Variants in NPAS2 observed in about 807,000 individuals in gnomAD.
The protein encoded by NPAS2 is neuronal PAS domain-containing protein 2.
A neutral mutation model predicts 107.5 loss-of-function variants in NPAS2; 23 were observed. That is an observed-to-expected ratio of 0.21 (90% CI 0.15 to 0.30). The LOEUF is 0.30. NPAS2 is among the 10% of genes least tolerant of loss of function. The pLI, the probability that NPAS2 is intolerant of heterozygous loss-of-function variation, is 1.00. For missense variants in NPAS2, 756 were observed against 1,043.3 expected (o/e 0.72, Z 3.79); for synonymous variants, 403 against 417.5 (o/e 0.97, Z 0.42).
At chr2:100,852,899 C>CA (rs1049568495) in intron 1 of NPAS2, among the ~76,000 whole-genome samples, 24 of 152,182 alleles carry the variant, frequency 1.6e-4, no homozygotes, top group African/African-American at 4.1e-4. Flanking sequence ...AAATAAAAGA[C>CA]AAAAAAACCC....
chr2:100,922,400 G>A (rs1683285567), intron 2 of NPAS2, among the ~76,000 whole-genome samples: 1 of 152,082 alleles, frequency 6.6e-6, no homozygotes, highest in South Asian at 2.1e-4. Context: ...TGGTCAACAT[G>A]GTGAAACCCT....
intron 2 of NPAS2, among the ~76,000 whole-genome samples, chr2:100,920,324 G>A (rs1394295343): frequency 2.6e-5 from 4 of 152,124 alleles, no homozygotes; most frequent in Non-Finnish European, 5.9e-5. Context: ...CCACAAATAA[G>A]TGAAGTGACT....
intron 4 of NPAS2, among the ~76,000 whole-genome samples, chr2:100,936,668 T>C (rs1419435220): frequency 6.6e-6 from 1 of 151,994 alleles, no homozygotes; most frequent in Non-Finnish European, 1.5e-5. Context: ...CAAAAATAAA[T>C]CCCAATAAAC....
At chr2:100,834,187 C>T (rs1676916996) in intron 1 of NPAS2, among the ~76,000 whole-genome samples, 1 of 152,068 alleles carries the variant, frequency 6.6e-6, no homozygotes, top group South Asian at 2.1e-4. Context: ...CCTGGAGAAT[C>T]AGGGGTTTCT....
At chr2:100,982,424 AG>A in intron 16 of NPAS2, 47 bp downstream of exon 16, 1 of 1,599,684 alleles carries the variant, frequency 6.3e-7, no homozygotes, top group Non-Finnish European at 8.5e-7. Context: ...CTGTGTGGGA[AG>A]GGGTCCTGCC....
At chr2:100,930,850 A>G (rs1313125550) in intron 3 of NPAS2, among the ~76,000 whole-genome samples, 4 of 152,248 alleles carry the variant, frequency 2.6e-5, no homozygotes, top group African/African-American at 4.8e-5. Context: ...TTGGGCTGCC[A>G]TAAAGACTCT....
intron 15 of NPAS2, among the ~76,000 whole-genome samples, chr2:100,979,444 T>G (rs1270818882): frequency 6.8e-6 from 1 of 148,046 alleles, no homozygotes; most frequent in Admixed American, 6.8e-5. Context: ...TTTATTGAAC[T>G]TCTTAGTCTG....
chr2:100,878,159 G>A (rs1283652534), intron 1 of NPAS2: 1 of 985,280 alleles, frequency 1.0e-6, no homozygotes, highest in Non-Finnish European at 1.2e-6. Flanking sequence ...CAGCCTCCAG[G>A]GACCAGGTCA....
At chr2:100,841,874 C>T (rs564967249) in intron 1 of NPAS2, among the ~76,000 whole-genome samples, 94 of 152,224 alleles carry the variant, frequency 6.2e-4, no homozygotes, top group African/African-American at 2.0e-3. Flanking sequence ...TGCACATATG[C>T]GCATGTACAC....
chr2:100,864,864 T>C (rs1178491300), intron 1 of NPAS2, among the ~76,000 whole-genome samples: 1 of 152,204 alleles, frequency 6.6e-6, no homozygotes, highest in Admixed American at 6.5e-5. Flanking sequence ...ACTGAGAACA[T>C]TTAAAAATGT....
At chr2:100,952,077 G>A (rs1012743568) in intron 7 of NPAS2, among the ~76,000 whole-genome samples, 10 of 151,192 alleles carry the variant, frequency 6.6e-5, no homozygotes, top group East Asian at 2.0e-4. Context: ...GCGTGAACCC[G>A]GGAGGCTGAG....
chr2:100,838,638 G>C (rs944041304), intron 1 of NPAS2, among the ~76,000 whole-genome samples: 1 of 152,112 alleles, frequency 6.6e-6, no homozygotes, highest in African/African-American at 2.4e-5. Context: ...AGGACACCGG[G>C]GTCAGAAGAC....
chr2:100,933,360 G>C (rs1447636666), intron 4 of NPAS2, among the ~76,000 whole-genome samples: 8 of 152,250 alleles, frequency 5.3e-5, no homozygotes, highest in Non-Finnish European at 5.9e-5. Flanking sequence ...TTGACTCAGA[G>C]AGTCTTCTCT....
At chr2:100,959,106 A>C (rs1044378131) in intron 7 of NPAS2, among the ~76,000 whole-genome samples, 50 of 62,076 alleles carry the variant, frequency 8.1e-4, no homozygotes, top group Non-Finnish European at 2.0e-3. Flanking sequence ...AAAAAAAAAA[A>C]AAACAAAACT....
intron 1 of NPAS2, among the ~76,000 whole-genome samples, chr2:100,884,955 T>A (rs1275248502): frequency 3.3e-5 from 2 of 59,844 alleles, no homozygotes; most frequent in East Asian, 2.9e-4. Flanking sequence ...TATATATAAT[T>A]TTTTTTTTTT....
chr2:100,995,889 G>A lies in NPAS2; in HGVS notation c.*307G>A, dbSNP rs1437042620. The A allele has an allele frequency of 1.2e-5, 18 of 1,465,768 alleles. No homozygotes were observed. Among genetic ancestry groups the A allele is most frequent in the East Asian group, 3.0e-5 (1 of 33,536 alleles). The allele number at this position is 1,465,768 out of a possible 1,614,324, so 90.8% of individuals were successfully genotyped here. On this transcript the variant is annotated 3_prime_UTR_variant, in exon 21 of 21. Coordinates refer to ENST00000335681, the MANE Select transcript of NPAS2 (RefSeq NM_002518.4). The stretch of plus-strand genomic sequence containing the variant: ...TTTGCCGTCAGAGATGGCGCATCTC[G>A]CTGCATCCCCCGAGAGTACACCGGT...
rs189961588 is a variant in NPAS2 at position 100,877,718 on chromosome 2, A to G, written c.-22-27015A>G. On this transcript the variant is annotated intron_variant, in intron 1 of 20. Transcript: ENST00000335681. ...TTTGCACCCTGTGATTACTGTTCCA[A>G]CCTTCATTGGTCAATTGAATATGGC... Among the ~76,000 whole-genome samples the G allele has an allele frequency of 3.9e-4, 60 of 152,134 alleles. No individual in the cohort carries two copies. The East Asian group carries it at 8.1e-3, about 21-fold the overall frequency.
chr2:100,861,801 C>T (rs941945951), intron 1 of NPAS2, among the ~76,000 whole-genome samples: 4 of 152,118 alleles, frequency 2.6e-5, no homozygotes, highest in Admixed American at 6.5e-5. Flanking sequence ...ATATGAAAGC[C>T]TTTGGGCATG....
chr2:100,819,731 C>T (rs897413649), upstream of NPAS2, among the ~76,000 whole-genome samples: 23 of 140,310 alleles, frequency 1.6e-4, no homozygotes, highest in Admixed American at 9.5e-4. The surrounding 1 kb of genome is among the most constrained non-coding windows in gnomAD (Gnocchi z 5.8). Context: ...TTAATGGGAC[C>T]TCGGCTGGCA....
Sources: gnomAD v4.1 joint callset for allele counts (sites outside exome capture counted in the v4.1 genomes callset) on GRCh38, gnomAD v4.1.1 for gene constraint, Gnocchi (gnomAD v3.1) non-coding constraint, MANE v1.5 for transcripts, NCBI Gene and HGNC (gene_info 2026-07-23, HGNC 2026-07-21) for gene names.